Variants in ARHGAP26 observed in about 807,000 individuals in gnomAD.
The protein encoded by ARHGAP26 is Rho GTPase activating protein 26.
A neutral mutation model predicts 104.8 loss-of-function variants in ARHGAP26; 38 were observed. The ratio of observed to expected loss-of-function variants is 0.36; its 90% CI spans 0.28 to 0.48. The LOEUF (loss-of-function observed/expected upper bound fraction) is 0.48, where lower values mean the gene tolerates loss of function less well. Ranked by LOEUF, ARHGAP26 falls within the 20% of genes least tolerant of loss-of-function variation. The pLI is 0.99. For missense variants in ARHGAP26, 704 were observed against 947.9 expected (o/e 0.74, Z 3.38); for synonymous variants, 341 against 340.0 (o/e 1.00, Z -0.03).
chr5:143,020,517 T>G lies in ARHGAP26; in HGVS notation c.1144+6401T>G, dbSNP rs1780167629. 2.0e-5 allele frequency among the ~76,000 whole-genome samples: 3 copies of G among 152,008 alleles called. 1 individual carries two copies. The South Asian group carries it at 6.2e-4, about 32-fold the overall frequency. On this transcript the variant is annotated intron_variant, in intron 12 of 22. Coordinates refer to ENST00000645722, the MANE Select transcript of ARHGAP26 (RefSeq NM_001135608.3). The stretch of plus-strand genomic sequence containing the variant: ...GTGAGCTACACTTGAAAAATGGAAA[T>G]TTCCTCCCTTCTCTCCTCCCCAGAA...
chr5:142,976,023 C>T (rs1442078975), intron 11 of ARHGAP26, among the ~76,000 whole-genome samples: 2 of 152,182 alleles, frequency 1.3e-5, no homozygotes, highest in African/African-American at 4.8e-5. Flanking sequence ...TTAAACAAAG[C>T]AAAGTATATT....
At chr5:143,178,656 C>A (rs1246129649) in intron 20 of ARHGAP26, among the ~76,000 whole-genome samples, 2 of 152,190 alleles carry the variant, frequency 1.3e-5, no homozygotes, top group African/African-American at 4.8e-5. Flanking sequence ...CTGCTGCTGC[C>A]CATGGGGGCT....
At chr5:142,771,406 C>A in intron 1 of ARHGAP26, 1 of 1,231,838 alleles carries the variant, frequency 8.1e-7, no homozygotes, top group Non-Finnish European at 1.0e-6. Flanking sequence ...TCCCTGTACG[C>A]AGCTCCAGCC....
At chr5:142,882,271 T>C (rs1196143055) in intron 4 of ARHGAP26, among the ~76,000 whole-genome samples, 1 of 152,134 alleles carries the variant, frequency 6.6e-6, no homozygotes, top group Non-Finnish European at 1.5e-5. Flanking sequence ...CCTCGTAGAG[T>C]TATTATGAAG....
At position 142,915,126 on chromosome 5, in the gene ARHGAP26, C is replaced by T. The variant is rs998018062; in HGVS notation, c.1028+1833C>T. Among the ~76,000 whole-genome samples the T allele has an allele frequency of 2.0e-5, 3 of 152,248 alleles. No homozygotes were observed. The East Asian group carries it at 5.8e-4, about 29-fold the overall frequency. ...TTTAGGCGATTAAAGCTCACTGTGG[C>T]ACCTCCATCTTATTTCCACCCTTGC... On this transcript the variant is annotated intron_variant, in intron 10 of 22. Coordinates refer to ENST00000645722, the MANE Select transcript of ARHGAP26 (RefSeq NM_001135608.3).
At chr5:143,186,506 C>T (rs190913390) in intron 20 of ARHGAP26, among the ~76,000 whole-genome samples, 15 of 152,322 alleles carry the variant, frequency 9.8e-5, no homozygotes, top group Non-Finnish European at 2.1e-4. Flanking sequence ...CAACATCAAG[C>T]CTCTCTTTGA....
At chr5:143,214,534 A>G (rs1810024936) in intron 22 of ARHGAP26, among the ~76,000 whole-genome samples, 1 of 152,222 alleles carries the variant, frequency 6.6e-6, no homozygotes, top group Non-Finnish European at 1.5e-5. Context: ...GTTCACAGTG[A>G]CAGTTTTTCC....
At chr5:142,999,157 G>T (rs1776849974) in intron 11 of ARHGAP26, among the ~76,000 whole-genome samples, 1 of 152,182 alleles carries the variant, frequency 6.6e-6, no homozygotes, top group South Asian at 2.1e-4. Flanking sequence ...GAGAGACGAA[G>T]AGGTTTGATC....
chr5:143,220,129 A>G (rs1043576496), intron 22 of ARHGAP26, among the ~76,000 whole-genome samples: 2 of 152,242 alleles, frequency 1.3e-5, no homozygotes, highest in African/African-American at 4.8e-5. Context: ...CAGTAGAGTA[A>G]TAACTCAACT....
intron 10 of ARHGAP26, among the ~76,000 whole-genome samples, chr5:142,926,644 G>C (rs1434283531): frequency 1.3e-5 from 2 of 152,132 alleles, no homozygotes; most frequent in Non-Finnish European, 2.9e-5. Flanking sequence ...TGTCAGTGCA[G>C]GTGTGTCCCT....
In ARHGAP26 at chr5:143,228,796, T is replaced by A. The variant is rs75460593; in HGVS notation, c.*6350T>A. On this transcript the variant is annotated 3_prime_UTR_variant, in exon 23 of 23. Coordinates refer to ENST00000645722, the MANE Select transcript of ARHGAP26 (RefSeq NM_001135608.3). The stretch of plus-strand genomic sequence containing the variant: ...ATTAGAAAGTAATCTGTGACTAGAA[T>A]AGACCTTTGTCCCTGTTAGTAGCCC... 0.029 allele frequency: 5,646 copies of A among 195,004 alleles called. 324 individuals are homozygous for A. The highest frequency in any genetic ancestry group is 0.12 in the African/African-American group (5,142 of 43,372). The allele number at this position is 195,004 out of a possible 1,614,324, so 12.1% of individuals were successfully genotyped here. A position where few individuals can be genotyped will look rare whatever the true frequency, so the allele number is the denominator to read the frequency against.
chr5:143,134,810 A>G (rs924607578), intron 19 of ARHGAP26, among the ~76,000 whole-genome samples: 1 of 152,246 alleles, frequency 6.6e-6, no homozygotes, highest in Admixed American at 6.5e-5. Flanking sequence ...TAAAATAGGG[A>G]TAATAGGACC....
At chr5:142,816,000 T>C (rs1765055780) in intron 1 of ARHGAP26, among the ~76,000 whole-genome samples, 2 of 152,010 alleles carry the variant, frequency 1.3e-5, no homozygotes, top group South Asian at 4.2e-4. Flanking sequence ...GGTCCCGATA[T>C]GTTGCCTAGG....
intron 1 of ARHGAP26, among the ~76,000 whole-genome samples, chr5:142,846,234 G>T (rs1257283275): frequency 6.6e-6 from 1 of 152,198 alleles, no homozygotes; most frequent in South Asian, 2.1e-4. Context: ...GTGTGAGGGT[G>T]GTTCTGGTAT....
In ARHGAP26 at chr5:142,885,445, A is replaced by T. The variant is rs371432545; in HGVS notation, c.486+46A>T. The stretch of plus-strand genomic sequence containing the variant: ...CCTGAATAAAGTGTTCAATTTGTAC[A>T]TGATGCTGTGGATATGTGCTGGTTG... On this transcript the variant is annotated intron_variant, in intron 5 of 22. Coordinates refer to ENST00000645722, the MANE Select transcript of ARHGAP26 (RefSeq NM_001135608.3). 7.9e-6 allele frequency: 12 copies of T among 1,526,506 alleles called. No individual in the cohort carries two copies. In the African/African-American group the frequency reaches 1.2e-4, roughly 16 times the overall value. The allele number at this position is 1,526,506 out of a possible 1,614,324, so 94.6% of individuals were successfully genotyped here. A position where few individuals can be genotyped will look rare whatever the true frequency, so the allele number is the denominator to read the frequency against.
intron 1 of ARHGAP26, among the ~76,000 whole-genome samples, chr5:142,795,400 G>A (rs760863456): frequency 6.6e-6 from 1 of 152,090 alleles, no homozygotes; most frequent in African/African-American, 2.4e-5. Context: ...AAGCTCTAAT[G>A]GTCTTTGTAA....
chr5:142,897,781 G>A (rs1473805183), intron 6 of ARHGAP26, among the ~76,000 whole-genome samples: 1 of 152,178 alleles, frequency 6.6e-6, no homozygotes, highest in Non-Finnish European at 1.5e-5. Flanking sequence ...TTCAGATGAA[G>A]AAATTGAAAC....
intron 4 of ARHGAP26, among the ~76,000 whole-genome samples, chr5:142,880,517 C>CA (rs36049761): frequency 4.8e-4 from 70 of 144,626 alleles, no homozygotes; most frequent in Non-Finnish European, 6.3e-4. Context: ...ACTCCATGTC[C>CA]AAAAAAAAAA....
rs1357874438 is a variant in ARHGAP26 at position 143,222,544 on chromosome 5, G to C, written c.*98G>C. 2.6e-5 allele frequency: 25 copies of C among 950,934 alleles called. No individual in the cohort carries two copies. The highest frequency in any genetic ancestry group is 3.6e-5 in the Non-Finnish European group (24 of 658,116). 58.9% of individuals were successfully genotyped at this position (950,934 alleles called of 1,614,324 possible). ...TTTCTCTTTGCCACTGAGAAATGCAGCGTGACTGACTCTGTTGCTACCTGT... is the reference window on the plus strand; with the variant it reads ...TTTCTCTTTGCCACTGAGAAATGCACCGTGACTGACTCTGTTGCTACCTGT... On this transcript the variant is annotated 3_prime_UTR_variant, in exon 23 of 23. Transcript: ENST00000645722.
Sources: gnomAD v4.1 joint callset for allele counts (sites outside exome capture counted in the v4.1 genomes callset) on GRCh38, gnomAD v4.1.1 for gene constraint, MANE v1.5 for transcripts, NCBI Gene and HGNC (gene_info 2026-07-23, HGNC 2026-07-21) for gene names.